The following COG4 variants were observed in gnomAD, a reference collection of about 807,000 sequenced individuals.
The protein encoded by COG4 is conserved oligomeric Golgi complex subunit 4.
In COG4, 65 loss-of-function variants were observed where a neutral mutation model predicts 95.1. The observed-to-expected ratio is 0.68, with a 90% confidence interval of 0.56 to 0.84. COG4 has a LOEUF of 0.84. Ranked by LOEUF, COG4 falls within the 40% of genes least tolerant of loss-of-function variation. COG4 has a pLI of 0.00. For synonymous variants in COG4, 421 were observed against 374.8 expected, an observed-to-expected ratio of 1.12 and a Z score of -1.42; for missense variants, 1,045 against 989.1, an observed-to-expected ratio of 1.06 and a Z score of -0.76.
intron 3 of COG4, chr16:70,515,953 G>C: frequency 2.2e-6 from 1 of 455,266 alleles, no homozygotes; most frequent in Non-Finnish European, 4.4e-6. Flanking sequence ...GCAGGCATGA[G>C]CCACCACACC....
chr16:70,505,373 AT>A (rs1385992486), intron 8 of COG4, among the ~76,000 whole-genome samples: 25 of 142,898 alleles, frequency 1.7e-4, no homozygotes, highest in Admixed American at 4.2e-4. Context: ...AATTTTTTGT[AT>A]TTTTTTTTTA....
chr16:70,516,123 A>G (rs925812489), intron 3 of COG4: 13 of 451,926 alleles, frequency 2.9e-5, no homozygotes, highest in Middle Eastern at 6.5e-4. Flanking sequence ...CCTTTTTTCT[A>G]TTAATATGGT....
chr16:70,503,848 C>G (rs2049504571), intron 8 of COG4, among the ~76,000 whole-genome samples: 1 of 122,878 alleles, frequency 8.1e-6, no homozygotes, highest in Non-Finnish European at 1.5e-5. Flanking sequence ...CCCGCCTCGG[C>G]CTCCCAAAGT....
chr16:70,497,623 A>G (rs1014993158), intron 10 of COG4, among the ~76,000 whole-genome samples: 1 of 152,174 alleles, frequency 6.6e-6, no homozygotes, highest in Non-Finnish European at 1.5e-5. Context: ...GGAGTGTAAG[A>G]TATCTGCAGG....
rs1330055990 is a variant in COG4 at position 70,482,084 on chromosome 16, CT to C, written c.2004+7del. ...TTCCCTAAGTGGATCCCTAGGGCCC[CT>C]GCTCACCTTGAACTCTGCCATTTGC... On this transcript the variant is annotated splice_region_variant and intron_variant, in intron 16 of 18. Transcript: ENST00000323786. 6.2e-7 allele frequency: 1 copy of C among 1,611,442 alleles called. No homozygotes were observed. The highest frequency in any genetic ancestry group is 1.1e-5 in the South Asian group (1 of 91,022).
chr16:70,512,590 G>A (rs2049732351), intron 4 of COG4, among the ~76,000 whole-genome samples, 158 bp from the exon 5 acceptor site: 2 of 152,220 alleles, frequency 1.3e-5, no homozygotes, highest in African/African-American at 4.8e-5. Flanking sequence ...AGATGAATCA[G>A]CCCTGATCCT....
intron 13 of COG4, 148 bp from the exon 14 acceptor site, chr16:70,484,117 T>C: frequency 4.3e-6 from 3 of 697,792 alleles, no homozygotes; most frequent in Non-Finnish European, 7.8e-6. Flanking sequence ...TCCTGGTGGT[T>C]ATCCACTTGG....
At chr16:70,503,363 T>G (rs918960161) in intron 8 of COG4, among the ~76,000 whole-genome samples, 1 of 152,084 alleles carries the variant, frequency 6.6e-6, no homozygotes, top group Admixed American at 6.6e-5. Flanking sequence ...CCCCAAGACA[T>G]CTTTACAAAC....
chr16:70,493,973 CA>C (rs975159814), intron 12 of COG4, among the ~76,000 whole-genome samples: 8 of 152,256 alleles, frequency 5.3e-5, no homozygotes, highest in Non-Finnish European at 1.2e-4. Context: ...AGGAGGATCT[CA>C]GAACCCCAGG....
At position 70,523,477 on chromosome 16, in the gene COG4, C is replaced by G. The variant is rs367707841; in HGVS notation, c.67G>C (p.Gly23Arg). 5 of 1,614,150 alleles carry G rather than the reference C, an allele frequency of 3.1e-6. No individual in the cohort carries two copies. The highest frequency in any genetic ancestry group is 3.3e-5 in the Admixed American group (2 of 60,020). ...KLSGVQQPSEGVGGGRCSEIS... is the reference protein window; with the variant it reads ...KLSGVQQPSERVGGGRCSEIS... ...TCGGAGCAGCGGCCACCTCCCACCC[C>G]CTCAGACGGCTGCTGCACCCCTGAC... The change falls in exon 1 of 19, where the codon GGG becomes CGG. Residue 23 changes from glycine (G) to arginine (R), a missense_variant. Gly to Arg is a moderately radical substitution (Grantham distance 125). Transcript: ENST00000323786.
chr16:70,487,017 A>C (rs2049151443), intron 13 of COG4, among the ~76,000 whole-genome samples: 2 of 146,850 alleles, frequency 1.4e-5, no homozygotes, highest in Admixed American at 1.4e-4. Context: ...AAAGTCAGGC[A>C]TGGTGGCTCA....
At chr16:70,516,319 G>GTTTTC (rs2049821923) in intron 3 of COG4, among the ~76,000 whole-genome samples, 1 of 147,606 alleles carries the variant, frequency 6.8e-6, no homozygotes, top group African/African-American at 2.5e-5. Flanking sequence ...TTTTTTTTGA[G>GTTTTC]ACAGAATCTC....
intron 11 of COG4, among the ~76,000 whole-genome samples, chr16:70,496,816 G>A (rs1031498369): frequency 4.6e-5 from 7 of 152,236 alleles, no homozygotes; most frequent in Admixed American, 6.5e-5. Flanking sequence ...TGACGAGGAC[G>A]GAATCTCCCT....
intron 13 of COG4, among the ~76,000 whole-genome samples, chr16:70,487,384 G>T (rs954202974): frequency 6.6e-6 from 1 of 151,946 alleles, no homozygotes; most frequent in South Asian, 2.1e-4. Context: ...ATCACTTGAG[G>T]CCAGGAGTTC....
At chr16:70,518,925 C>T (rs1408099450) in intron 2 of COG4, among the ~76,000 whole-genome samples, 1 of 150,718 alleles carries the variant, frequency 6.6e-6, no homozygotes. Flanking sequence ...TGCAGTGAGC[C>T]GAGATCATGC....
chr16:70,485,460 T>C (rs1298027689), intron 13 of COG4, among the ~76,000 whole-genome samples: 9 of 151,634 alleles, frequency 5.9e-5, no homozygotes, highest in Non-Finnish European at 8.8e-5. Flanking sequence ...CGCCTCAGCC[T>C]CCCAAAGTGC....
intron 15 of COG4, 83 bp downstream of exon 15, chr16:70,482,646 T>C (rs2049021591): frequency 9.1e-7 from 1 of 1,104,286 alleles, no homozygotes; most frequent in Non-Finnish European, 1.4e-6. Context: ...AGGTCTAGTC[T>C]GTTCAGATGG....
rs1322446236 is a variant in COG4 at position 70,497,295 on chromosome 16, A to T, written c.1407T>A (p.Ala469=). 6.2e-7 allele frequency: 1 copy of T among 1,614,044 alleles called. No individual in the cohort carries two copies. The highest frequency in any genetic ancestry group is 8.5e-7 in the Non-Finnish European group (1 of 1,180,040). The change falls in exon 11 of 19, where the codon GCT becomes GCA. Residue 469 remains alanine, a synonymous_variant. Coordinates refer to ENST00000323786, the MANE Select transcript of COG4 (RefSeq NM_015386.3). Reference sequence around the variant, plus strand: ...GACAGTCAATGCTGGAGCTGGACAGAGCCCGCCCAATGCACTTCTTAACAA... The same window carrying T: ...GACAGTCAATGCTGGAGCTGGACAGTGCCCGCCCAATGCACTTCTTAACAA... ...FYIVKKCIGR[A]LSSSSIDCLC... is the part of the protein sequence containing the mutation.
At chr16:70,511,331 T>C (rs901182343) in intron 5 of COG4, among the ~76,000 whole-genome samples, 5 of 152,100 alleles carry the variant, frequency 3.3e-5, no homozygotes, top group Admixed American at 6.6e-5. Context: ...TGTTACAGAA[T>C]AAAATATGTC....
Sources: allele counts gnomAD v4.1 joint callset (sites outside exome capture counted in the v4.1 genomes callset), GRCh38; gene constraint gnomAD v4.1.1; transcripts MANE v1.5; gene names NCBI Gene and HGNC (gene_info 2026-07-23, HGNC 2026-07-21).